The following GABRA2 variants were observed in gnomAD, a reference collection of about 807,000 sequenced individuals.
GABRA2 encodes gamma-aminobutyric acid type A receptor subunit alpha2, also known as gamma-aminobutyric acid receptor subunit alpha-2.
In GABRA2, 16 loss-of-function variants were observed where a neutral mutation model predicts 48.7. The ratio of observed to expected loss-of-function variants is 0.33; its 90% confidence interval spans 0.22 to 0.50. The LOEUF is 0.50. GABRA2 is among the 20% of genes least tolerant of loss of function. The pLI is 0.98. For synonymous variants in GABRA2, 185 were observed against 184.5 expected, an observed-to-expected ratio of 1.00 and a Z score of -0.02; for missense variants, 275 against 535.6, an observed-to-expected ratio of 0.51 and a Z score of 4.80.
rs148569786 is a variant in GABRA2, at chr4:46,313,655, A to G, written c.256-939T>C. ...AACGTACACATTTTAAATGAGATAT[A>G]CAATGCACAATTGTGAATACTGTTT... On this transcript the variant is annotated intron_variant, in intron 4 of 9. Coordinates refer to ENST00000381620, the MANE Select transcript of GABRA2 (RefSeq NM_000807.4). Among the ~76,000 whole-genome samples, 1,320 of 152,114 alleles carry G rather than the reference A, an allele frequency of 8.7e-3. 23 individuals carry two copies. Among genetic ancestry groups the G allele is most frequent in the African/African-American group, 0.031 (1,278 of 41,516 alleles).
chr4:46,315,741 C>T (rs542758471), intron 4 of GABRA2, among the ~76,000 whole-genome samples: 6 of 151,916 alleles, frequency 3.9e-5, no homozygotes, highest in African/African-American at 1.4e-4. Context: ...TTTTGTTTTT[C>T]GGACATACAC....
Position 46,248,687 on chromosome 4 carries a change from C to A in GABRA2, c.*1621G>T, listed in dbSNP as rs1714158551. On this transcript the variant is annotated 3_prime_UTR_variant, in exon 10 of 10. Coordinates refer to ENST00000381620, the MANE Select transcript of GABRA2 (RefSeq NM_000807.4). ...TATTTTGCTTATTTCCATAGATACTCCTTTTATTGATTTTATGAACATACC... is the reference window on the plus strand; with the variant it reads ...TATTTTGCTTATTTCCATAGATACTACTTTTATTGATTTTATGAACATACC... 6.6e-6 allele frequency: 1 copy of A among 151,408 alleles called. No individual in the cohort carries two copies. The highest frequency in any genetic ancestry group is 2.4e-5 in the African/African-American group (1 of 41,332). 9.4% of individuals were successfully genotyped at this position (151,408 alleles called of 1,614,324 possible). A position where few individuals can be genotyped will look rare whatever the true frequency, so the allele number is the denominator to read the frequency against.
At chr4:46,389,349 T>G (rs1578262187) in intron 1 of GABRA2, 1 of 985,348 alleles carries the variant, frequency 1.0e-6, no homozygotes, top group South Asian at 4.7e-5. Flanking sequence ...GGCAGCCGGG[T>G]TCCGATCAAG....
At chr4:46,258,556 A>C (rs1429021918) in intron 9 of GABRA2, among the ~76,000 whole-genome samples, 1 of 151,824 alleles carries the variant, frequency 6.6e-6, no homozygotes, top group Non-Finnish European at 1.5e-5. Context: ...AGCATTAAAG[A>C]AAGCAGAATT....
chr4:46,357,686 C>T (rs1195267386), intron 3 of GABRA2, among the ~76,000 whole-genome samples: 15 of 124,368 alleles, frequency 1.2e-4, no homozygotes, highest in African/African-American at 3.5e-4. Flanking sequence ...TTTTTTTTGA[C>T]AGTCTTGCTC....
chr4:46,263,763 A>G (rs1717525489), intron 8 of GABRA2, among the ~76,000 whole-genome samples: 1 of 151,988 alleles, frequency 6.6e-6, no homozygotes, highest in South Asian at 2.1e-4. Flanking sequence ...TGGTTTTGTT[A>G]TGGTCATTTT....
chr4:46,382,057 AT>A (rs1354505798), intron 3 of GABRA2, among the ~76,000 whole-genome samples: 1 of 152,152 alleles, frequency 6.6e-6, no homozygotes, highest in Non-Finnish European at 1.5e-5. Flanking sequence ...TAGGATAGAT[AT>A]ATCAGTGAAT....
Position 46,246,796 on chromosome 4 carries a change from C to A in GABRA2, c.*3512G>T, listed in dbSNP as rs1162565288. ...CAGACATGTGTCTGAGGGCATCAGGCATAGAATACATTAAACAAATTATTA... is the reference window on the plus strand; with the variant it reads ...CAGACATGTGTCTGAGGGCATCAGGAATAGAATACATTAAACAAATTATTA... On this transcript the variant is annotated 3_prime_UTR_variant, in exon 10 of 10. Transcript: ENST00000381620. Among the ~76,000 whole-genome samples, 1 of 151,044 alleles carries A rather than the reference C, an allele frequency of 6.6e-6. No homozygotes were observed. Among genetic ancestry groups the A allele is most frequent in the Non-Finnish European group, 1.5e-5 (1 of 67,400 alleles).
chr4:46,306,426 A>G (rs1422057034), intron 6 of GABRA2, among the ~76,000 whole-genome samples: 1 of 152,198 alleles, frequency 6.6e-6, no homozygotes, highest in Non-Finnish European at 1.5e-5. Context: ...AGAAATTAGC[A>G]GAAGTAAGAT....
At chr4:46,375,292 C>T (rs1578211943) in intron 3 of GABRA2, among the ~76,000 whole-genome samples, 1 of 152,102 alleles carries the variant, frequency 6.6e-6, no homozygotes, top group Non-Finnish European at 1.5e-5. Context: ...ATCTGTACCT[C>T]ATGGGATGAG....
intron 8 of GABRA2, among the ~76,000 whole-genome samples, chr4:46,272,264 G>A (rs750618374): frequency 6.6e-6 from 1 of 151,924 alleles, no homozygotes; most frequent in Non-Finnish European, 1.5e-5. Flanking sequence ...ATATGGATTA[G>A]AGCCAGTGTG....
At chr4:46,380,156 T>G (rs1716566705) in intron 3 of GABRA2, among the ~76,000 whole-genome samples, 1 of 152,244 alleles carries the variant, frequency 6.6e-6, no homozygotes, top group South Asian at 2.1e-4. Context: ...AATGAGCTTT[T>G]ATTCTGTAAA....
chr4:46,275,133 T>C (rs920041953), intron 8 of GABRA2, among the ~76,000 whole-genome samples: 1 of 152,076 alleles, frequency 6.6e-6, no homozygotes. Context: ...GCACAGAATC[T>C]CTTCTGAGTG....
intron 8 of GABRA2, among the ~76,000 whole-genome samples, chr4:46,283,672 A>G (rs1721963380): frequency 6.6e-6 from 1 of 152,220 alleles, no homozygotes; most frequent in Admixed American, 6.5e-5. Flanking sequence ...TGAATTCTGT[A>G]TGAAACGAAA....
intron 9 of GABRA2, among the ~76,000 whole-genome samples, chr4:46,260,225 G>T (rs1467931792): frequency 6.6e-6 from 1 of 151,788 alleles, no homozygotes; most frequent in Non-Finnish European, 1.5e-5. Flanking sequence ...CTGATATATT[G>T]TTTTCCTGAA....
chr4:46,385,927 T>C, intron 3 of GABRA2, 147 bp downstream of exon 3: 1 of 592,868 alleles, frequency 1.7e-6, no homozygotes, highest in Non-Finnish European at 2.9e-6. Flanking sequence ...ACAGACAATA[T>C]TTTTTCATAT....
rs1360730609 is a variant in GABRA2 at position 46,290,523 on chromosome 4, G to C, written c.856+12937C>G. 4.0e-5 allele frequency among the ~76,000 whole-genome samples: 6 copies of C among 151,640 alleles called. No individual in the cohort carries two copies. In the South Asian group the frequency reaches 1.3e-3, roughly 32 times the overall value. On this transcript the variant is annotated intron_variant, in intron 8 of 9. Transcript: ENST00000381620. ...TTAGTTTTAGGAATTTTATTCTTTGGGATATTATTATAAATGATATTATTT... is the reference window on the plus strand; with the variant it reads ...TTAGTTTTAGGAATTTTATTCTTTGCGATATTATTATAAATGATATTATTT...
intron 3 of GABRA2, among the ~76,000 whole-genome samples, chr4:46,341,043 G>A (rs777336239): frequency 1.2e-4 from 18 of 151,552 alleles, no homozygotes; most frequent in Admixed American, 4.0e-4. Flanking sequence ...ATTTCTGTTG[G>A]TTTTTATATC....
At chr4:46,253,341 T>C (rs994537731) in intron 9 of GABRA2, among the ~76,000 whole-genome samples, 1 of 151,374 alleles carries the variant, frequency 6.6e-6, no homozygotes, top group African/African-American at 2.4e-5. Flanking sequence ...TCTGAACAGA[T>C]ACTCTGACCA....
Sources: gnomAD v4.1 joint callset for allele counts (sites outside exome capture counted in the v4.1 genomes callset) on GRCh38, gnomAD v4.1.1 for gene constraint, MANE v1.5 for transcripts, NCBI Gene and HGNC (gene_info 2026-07-23, HGNC 2026-07-21) for gene names.